PKNOX2: variants seen among roughly 807,000 people sequenced by gnomAD.
The protein encoded by PKNOX2 is PBX/knotted 1 homeobox 2.
A neutral mutation model predicts 53.1 loss-of-function variants in PKNOX2; 14 were observed. The ratio of observed to expected loss-of-function variants is 0.26; its 90% CI spans 0.17 to 0.41. The LOEUF (loss-of-function observed/expected upper bound fraction) is 0.41. Ranked by LOEUF, PKNOX2 falls within the 10% of genes least tolerant of loss-of-function variation. PKNOX2 has a pLI of 1.00. For synonymous variants in PKNOX2, 257 were observed against 242.8 expected, an observed-to-expected ratio of 1.06 and a Z score of -0.54; for missense variants, 496 against 602.8, an observed-to-expected ratio of 0.82 and a Z score of 1.85.
chr11:125,264,501 G>A (rs2135753141), intron 2 of PKNOX2, among the ~76,000 whole-genome samples: 1 of 152,268 alleles, frequency 6.6e-6, no homozygotes, highest in African/African-American at 2.4e-5. Context: ...TGGACGTTAG[G>A]GCTGGGACTT....
intron 7 of PKNOX2, among the ~76,000 whole-genome samples, chr11:125,400,926 C>A (rs1241884601): frequency 6.6e-6 from 1 of 152,180 alleles, no homozygotes. Flanking sequence ...CCAGCCTCTG[C>A]CTGCTGATAG....
intron 3 of PKNOX2, among the ~76,000 whole-genome samples, chr11:125,334,064 G>C (rs1201204411): frequency 6.6e-6 from 1 of 152,190 alleles, no homozygotes; most frequent in Non-Finnish European, 1.5e-5. Flanking sequence ...CTGGGGGCCA[G>C]TGTCTGAGGG....
rs1956754534 is a variant in PKNOX2, at chr11:125,432,645, A to AGGC, written c.*1254_*1256dup. ...AACTGGGGCTCCTGGAAGGAGGAGG[A>AGGC]GGCTCTCCACTGTCCACCCTAACAC... On this transcript the variant is annotated 3_prime_UTR_variant, in exon 13 of 13. Transcript: ENST00000298282. The AGGC allele has an allele frequency of 6.5e-6, 1 of 152,776 alleles. No homozygotes were observed. The highest frequency in any genetic ancestry group is 2.4e-5 in the African/African-American group (1 of 41,448). The allele number at this position is 152,776 out of a possible 1,614,324, so 9.5% of individuals were successfully genotyped here. A position where few individuals can be genotyped will look rare whatever the true frequency, so the allele number is the denominator to read the frequency against.
chr11:125,173,325 G>A (rs984626608), intron 1 of PKNOX2, among the ~76,000 whole-genome samples: 2 of 152,204 alleles, frequency 1.3e-5, no homozygotes. Context: ...ATAGGTAAGA[G>A]AAACTGGGGC....
intron 2 of PKNOX2, among the ~76,000 whole-genome samples, chr11:125,329,885 T>C (rs1950034781): frequency 6.6e-6 from 1 of 152,066 alleles, no homozygotes; most frequent in Non-Finnish European, 1.5e-5. Flanking sequence ...AATGAGCAGA[T>C]GTGTGTTGAA....
intron 4 of PKNOX2, among the ~76,000 whole-genome samples, chr11:125,365,996 T>C (rs1372949574): frequency 6.6e-6 from 1 of 152,234 alleles, no homozygotes; most frequent in African/African-American, 2.4e-5. Context: ...AAGGAATGAA[T>C]CTGGCCCAGA....
intron 10 of PKNOX2, among the ~76,000 whole-genome samples, chr11:125,423,693 C>A (rs1374181127): frequency 6.6e-6 from 1 of 152,066 alleles, no homozygotes; most frequent in Non-Finnish European, 1.5e-5. Flanking sequence ...CTACACAGAC[C>A]CAAAGCCCCT....
chr11:125,350,087 A>C (rs557004538), intron 3 of PKNOX2, among the ~76,000 whole-genome samples: 1 of 152,330 alleles, frequency 6.6e-6, no homozygotes, highest in African/African-American at 2.4e-5. Context: ...ACCCAGGAGA[A>C]GAACACGTCC....
chr11:125,263,973 G>A (rs1356021058), intron 2 of PKNOX2, among the ~76,000 whole-genome samples: 1 of 152,178 alleles, frequency 6.6e-6, no homozygotes, highest in East Asian at 1.9e-4. Flanking sequence ...AGCTCTTGCA[G>A]GACCATGGGA....
intron 10 of PKNOX2, among the ~76,000 whole-genome samples, chr11:125,424,294 C>T (rs1186245776): frequency 6.6e-6 from 1 of 152,122 alleles, no homozygotes; most frequent in East Asian, 1.9e-4. Flanking sequence ...AGGGCAATGA[C>T]TACAGAAAGA....
chr11:125,171,228 G>A (rs1283808121), intron 1 of PKNOX2, among the ~76,000 whole-genome samples: 1 of 152,198 alleles, frequency 6.6e-6, no homozygotes, highest in Non-Finnish European at 1.5e-5. Context: ...GGGAGGGGCA[G>A]CATGGCATTC....
At chr11:125,268,175 C>T (rs567143157) in intron 2 of PKNOX2, among the ~76,000 whole-genome samples, 31 of 152,314 alleles carry the variant, frequency 2.0e-4, no homozygotes, top group African/African-American at 6.5e-4. Flanking sequence ...GCTCTCATCT[C>T]GGAAAACGTC....
rs923967822 is a variant in PKNOX2, at chr11:125,191,875, T to C, written c.-201+27099T>C. On this transcript the variant is annotated intron_variant, in intron 1 of 12. Coordinates refer to ENST00000298282, the MANE Select transcript of PKNOX2 (RefSeq NM_001382323.2). ...GTTGCAAAAACTACAAAAATACATATAACTAAAACCACATTTCACCGGAAG... is the reference window on the plus strand; with the variant it reads ...GTTGCAAAAACTACAAAAATACATACAACTAAAACCACATTTCACCGGAAG... Among the ~76,000 whole-genome samples, 102 of 152,290 alleles carry C rather than the reference T, an allele frequency of 6.7e-4. 3 individuals are homozygous for C. The highest frequency in any genetic ancestry group is 9.1e-4 in the African/African-American group (38 of 41,568).
At chr11:125,235,333 GAT>G (rs1942581010) in intron 2 of PKNOX2, among the ~76,000 whole-genome samples, 1 of 152,220 alleles carries the variant, frequency 6.6e-6, no homozygotes, top group African/African-American at 2.4e-5. Flanking sequence ...AGACTATATT[GAT>G]TGTGCATTAA....
chr11:125,228,867 T>A (rs1198932613), intron 1 of PKNOX2, among the ~76,000 whole-genome samples: 1 of 152,076 alleles, frequency 6.6e-6, no homozygotes, highest in Non-Finnish European at 1.5e-5. Context: ...TAACAAAATA[T>A]GTGCTGTTAG....
At position 125,410,922 on chromosome 11, in the gene PKNOX2, G is replaced by A. The variant is rs202004560; in HGVS notation, c.816+46G>A. On this transcript the variant is annotated intron_variant, in intron 9 of 12. Transcript: ENST00000298282. ...GCACATGTGCATGGTGTGGGCTAGG[G>A]CACCTGTAATCGCTTCTTATCTGCC... 2.1e-4 allele frequency: 322 copies of A among 1,534,284 alleles called. No individual in the cohort carries two copies. In the Middle Eastern group the frequency reaches 3.2e-3, roughly 15 times the overall value.
chr11:125,275,708 G>C (rs187102666), intron 2 of PKNOX2, among the ~76,000 whole-genome samples: 2 of 152,070 alleles, frequency 1.3e-5, no homozygotes, highest in East Asian at 3.9e-4. Context: ...GTTTTACTTA[G>C]ATGGAGGAGA....
intron 1 of PKNOX2, among the ~76,000 whole-genome samples, chr11:125,186,930 G>T (rs1956481599): frequency 1.3e-5 from 2 of 152,136 alleles, no homozygotes; most frequent in Non-Finnish European, 2.9e-5. Flanking sequence ...TTTTGCGTAT[G>T]GAAATCAGTT....
chr11:125,242,715 G>T (rs1476767503), intron 2 of PKNOX2, among the ~76,000 whole-genome samples: 1 of 152,188 alleles, frequency 6.6e-6, no homozygotes, highest in African/African-American at 2.4e-5. Flanking sequence ...TCTTTCAGGA[G>T]AGTGGCGGGT....
Sources: gnomAD v4.1 joint callset for allele counts (sites outside exome capture counted in the v4.1 genomes callset) on GRCh38, gnomAD v4.1.1 for gene constraint, MANE v1.5 for transcripts, NCBI Gene and HGNC (gene_info 2026-07-23, HGNC 2026-07-21) for gene names.